The following KIRREL3 variants were observed in gnomAD, a reference collection of about 807,000 sequenced individuals.
KIRREL3 encodes the protein kirre like nephrin family adhesion molecule 3.
KIRREL3 carries 36 observed loss-of-function variants against 89.7 expected under a neutral mutation model. That is an observed-to-expected ratio of 0.40 (90% CI 0.31 to 0.53). KIRREL3 has a LOEUF of 0.53. Ranked by LOEUF, KIRREL3 falls within the 20% of genes least tolerant of loss-of-function variation. The pLI is 0.49. For missense variants in KIRREL3, 864 were observed against 1,056.6 expected, an observed-to-expected ratio of 0.82 and a Z score of 2.53; for synonymous variants, 445 against 441.4, an observed-to-expected ratio of 1.01 and a Z score of -0.10.
rs1442943533 is a variant in KIRREL3, at chr11:126,860,823, C to A, written c.55+139632G>T. Among the ~76,000 whole-genome samples the A allele has an allele frequency of 2.6e-5, 4 of 152,262 alleles. No homozygotes were observed. The East Asian group carries it at 5.8e-4, about 22-fold the overall frequency. On this transcript the variant is annotated intron_variant, in intron 1 of 16. Coordinates refer to ENST00000525144, the MANE Select transcript of KIRREL3 (RefSeq NM_032531.4). The surrounding 1 kb of genome is among the most constrained non-coding windows in gnomAD (Gnocchi z 4.6). ...GGGCAGAGGTACAAATGCAAGATGGCACCCGTGGACACATTGAAAGTTTAG... is the reference window on the plus strand; with the variant it reads ...GGGCAGAGGTACAAATGCAAGATGGAACCCGTGGACACATTGAAAGTTTAG...
rs1242370383 is a variant in KIRREL3 at position 126,992,852 on chromosome 11, TC to T, written c.55+7602del. 2.0e-5 allele frequency among the ~76,000 whole-genome samples: 3 copies of T among 152,326 alleles called. No individual in the cohort carries two copies. The East Asian group carries it at 5.8e-4, about 29-fold the overall frequency. ...TCATTCCTCAATGCACTCTTTCTGCTCAAGTCCAGCGTGCAGCCAGCAGTCC... is the reference window on the plus strand; with the variant it reads ...TCATTCCTCAATGCACTCTTTCTGCTAAGTCCAGCGTGCAGCCAGCAGTCC... On this transcript the variant is annotated intron_variant, in intron 1 of 16. Transcript: ENST00000525144.
chr11:126,463,000 C>A lies in KIRREL3; in HGVS notation c.742+157G>T, dbSNP rs1391395389. ...TTGCATCTCATGACAGTAAGGAAGA[C>A]AAGATGGTCCTTCCTGTCCGTATCT... On this transcript the variant is annotated intron_variant, in intron 6 of 16. Transcript: ENST00000525144. The surrounding 1 kb of genome is among the most constrained non-coding windows in gnomAD (Gnocchi z 4.8). Among the ~76,000 whole-genome samples the A allele has an allele frequency of 1.3e-5, 2 of 152,184 alleles. No homozygotes were observed. Among genetic ancestry groups the A allele is most frequent in the Admixed American group, 6.5e-5 (1 of 15,282 alleles).
chr11:126,657,237 CAAATAAATAATTAAATAAATAAAT>C (rs1265311225), intron 1 of KIRREL3, among the ~76,000 whole-genome samples: 4 of 81,486 alleles, frequency 4.9e-5, no homozygotes, highest in Admixed American at 1.4e-4. Flanking sequence ...ATGAGAATTC[CAAATAAATAATTAAATAAATAAAT>C]AAATAAATAA....
rs1946728100 is a variant in KIRREL3 at position 126,687,921 on chromosome 11, A to G, written c.56-125009T>C. Among the ~76,000 whole-genome samples, 2 of 152,264 alleles carry G rather than the reference A, an allele frequency of 1.3e-5. No homozygotes were observed. Among genetic ancestry groups the G allele is most frequent in the Admixed American group, 1.3e-4 (2 of 15,292 alleles). ...TAGGCCCGAAGCAGCAAAAGAAAGC[A>G]TCTAGAAAAAGGAAATAAAGGGCTG... On this transcript the variant is annotated intron_variant, in intron 1 of 16. Coordinates refer to ENST00000525144, the MANE Select transcript of KIRREL3 (RefSeq NM_032531.4). This position sits in a 1 kb window ranked among gnomAD's most constrained non-coding sequence, Gnocchi z 4.6.
rs75950655 is a variant in KIRREL3 at position 126,475,979 on chromosome 11, C to T, written c.434-2513G>A. Among the ~76,000 whole-genome samples, 1 of 152,168 alleles carries T rather than the reference C, an allele frequency of 6.6e-6. No individual in the cohort carries two copies. The highest frequency in any genetic ancestry group is 1.5e-5 in the Non-Finnish European group (1 of 68,020). ...GCCTGGAAAAAGAGCCACGTGGAGCCCTGGGGACAGCCTGGATACCTGGGG... is the reference window on the plus strand; with the variant it reads ...GCCTGGAAAAAGAGCCACGTGGAGCTCTGGGGACAGCCTGGATACCTGGGG... On this transcript the variant is annotated intron_variant, in intron 4 of 16. Coordinates refer to ENST00000525144, the MANE Select transcript of KIRREL3 (RefSeq NM_032531.4). This position sits in a 1 kb window ranked among gnomAD's most constrained non-coding sequence, Gnocchi z 7.5.
rs1220887866 is a variant in KIRREL3, at chr11:126,635,367, G to T, written c.56-72455C>A. ...CACATAGGTGAGTGATATATACAGAGGTTAGACCTCAGGGTTATGTTATGG... is the reference window on the plus strand; with the variant it reads ...CACATAGGTGAGTGATATATACAGATGTTAGACCTCAGGGTTATGTTATGG... On this transcript the variant is annotated intron_variant, in intron 1 of 16. Coordinates refer to ENST00000525144, the MANE Select transcript of KIRREL3 (RefSeq NM_032531.4). The surrounding 1 kb of genome is among the most constrained non-coding windows in gnomAD (Gnocchi z 4.0). Among the ~76,000 whole-genome samples the T allele has an allele frequency of 6.6e-6, 1 of 152,230 alleles. No individual in the cohort carries two copies. Among genetic ancestry groups the T allele is most frequent in the Non-Finnish European group, 1.5e-5 (1 of 68,048 alleles).
intron 1 of KIRREL3, among the ~76,000 whole-genome samples, chr11:126,714,660 G>T (rs953991638): frequency 1.3e-5 from 2 of 152,130 alleles, no homozygotes; most frequent in Non-Finnish European, 2.9e-5. Flanking sequence ...TTGCACGGTG[G>T]GCTGACTGCC....
intron 1 of KIRREL3, among the ~76,000 whole-genome samples, chr11:126,914,223 C>T (rs1946945176): frequency 6.6e-6 from 1 of 152,120 alleles, no homozygotes; most frequent in Non-Finnish European, 1.5e-5. Context: ...GGAGTAGGGC[C>T]ACAGCTGACC....
rs868215018 is a variant in KIRREL3 at position 126,739,558 on chromosome 11, C to T, written c.56-176646G>A. On this transcript the variant is annotated intron_variant, in intron 1 of 16. Coordinates refer to ENST00000525144, the MANE Select transcript of KIRREL3 (RefSeq NM_032531.4). This position sits in a 1 kb window ranked among gnomAD's most constrained non-coding sequence, Gnocchi z 5.5. Reference sequence around the variant, plus strand: ...CCAGGCAGCTGGTGCTGACAGTGGCCTGTTCATACTCTTCCTGAAGGTATG... The same window carrying T: ...CCAGGCAGCTGGTGCTGACAGTGGCTTGTTCATACTCTTCCTGAAGGTATG... Among the ~76,000 whole-genome samples, 5 of 152,182 alleles carry T rather than the reference C, an allele frequency of 3.3e-5. No individual in the cohort carries two copies.
At chr11:126,806,972 G>A (rs1951223978) in intron 1 of KIRREL3, among the ~76,000 whole-genome samples, 1 of 152,046 alleles carries the variant, frequency 6.6e-6, no homozygotes, top group Non-Finnish European at 1.5e-5. Flanking sequence ...TGAGAATGAT[G>A]GTTTCCAGTT....
At chr11:126,500,887 T>C (rs1307645564) in intron 4 of KIRREL3, among the ~76,000 whole-genome samples, 1 of 152,230 alleles carries the variant, frequency 6.6e-6, no homozygotes, top group Non-Finnish European at 1.5e-5. Context: ...GCTCTGACCA[T>C]GTGAGGAGTT....
chr11:126,873,769 A>G (rs552061174), intron 1 of KIRREL3, among the ~76,000 whole-genome samples: 1 of 152,316 alleles, frequency 6.6e-6, no homozygotes, highest in African/African-American at 2.4e-5. Flanking sequence ...GAGCAACAGT[A>G]TCCCTCACTT....
In KIRREL3 at chr11:126,752,126, A is replaced by G. The variant is rs1233926298; in HGVS notation, c.56-189214T>C. On this transcript the variant is annotated intron_variant, in intron 1 of 16. Transcript: ENST00000525144. The surrounding 1 kb of genome is among the most constrained non-coding windows in gnomAD (Gnocchi z 4.8). ...GCTTTTTCTTTGCAAAATAGGAACA[A>G]TGATGATACCTGTCCCTGAGTTATG... Among the ~76,000 whole-genome samples the G allele has an allele frequency of 1.3e-5, 2 of 152,334 alleles. No individual in the cohort carries two copies. The highest frequency in any genetic ancestry group is 1.9e-4 in the East Asian group (1 of 5,192).
At chr11:126,845,425 G>T (rs1384727164) in intron 1 of KIRREL3, among the ~76,000 whole-genome samples, 2 of 152,092 alleles carry the variant, frequency 1.3e-5, no homozygotes, top group African/African-American at 2.4e-5. Flanking sequence ...ATGAGAAAAA[G>T]AATTCGTGAG....
At chr11:126,554,989 T>G (rs749064338) in intron 2 of KIRREL3, among the ~76,000 whole-genome samples, 1 of 152,190 alleles carries the variant, frequency 6.6e-6, no homozygotes, top group Non-Finnish European at 1.5e-5. Flanking sequence ...ATTGCCTTCT[T>G]CCTGCACCAT....
rs773570799 is a variant in KIRREL3 at position 126,776,744 on chromosome 11, C to T, written c.56-213832G>A. Among the ~76,000 whole-genome samples the T allele has an allele frequency of 2.0e-5, 3 of 152,178 alleles. No individual in the cohort carries two copies. Among genetic ancestry groups the T allele is most frequent in the Non-Finnish European group, 2.9e-5 (2 of 68,032 alleles). Reference sequence around the variant, plus strand: ...TGCTTATGGAACACCAACACCACTTCTTCTTTCACCAAGTCCTCTCCCTGC... The same window carrying T: ...TGCTTATGGAACACCAACACCACTTTTTCTTTCACCAAGTCCTCTCCCTGC... On this transcript the variant is annotated intron_variant, in intron 1 of 16. Transcript: ENST00000525144. The surrounding 1 kb of genome is among the most constrained non-coding windows in gnomAD (Gnocchi z 4.7).
chr11:126,436,851 G>A lies in KIRREL3; in HGVS notation c.1512C>T (p.Ser504=). Residue 504 remains serine (S), a synonymous_variant, in exon 12 of 17, where the codon AGC becomes AGT. Transcript: ENST00000525144. ...GGATGATCTCAGTGTCGGAGCCGAA[G>A]CTGTTCCAGGCCGTGCAGTTGTAGA... ...QTIYNCTAWN[S]FGSDTEIIRL... is the part of the protein sequence containing the mutation. The A allele has an allele frequency of 6.2e-7, 1 of 1,613,742 alleles. No homozygotes were observed. The highest frequency in any genetic ancestry group is 8.5e-7 in the Non-Finnish European group (1 of 1,179,884).
rs1311587738 is a variant in KIRREL3, at chr11:126,645,191, G to A, written c.56-82279C>T. ...ATAGAGTGGGACCAGAAAGTGAAGG[G>A]ATGCAGACTGACATCGTAACAATTC... is the stretch of plus-strand genomic sequence containing the variant. On this transcript the variant is annotated intron_variant, in intron 1 of 16. Coordinates refer to ENST00000525144, the MANE Select transcript of KIRREL3 (RefSeq NM_032531.4). This position sits in a 1 kb window ranked among gnomAD's most constrained non-coding sequence, Gnocchi z 4.9. Among the ~76,000 whole-genome samples the A allele has an allele frequency of 3.3e-5, 5 of 152,174 alleles. No homozygotes were observed. Among genetic ancestry groups the A allele is most frequent in the Non-Finnish European group, 7.4e-5 (5 of 68,016 alleles).
intron 1 of KIRREL3, among the ~76,000 whole-genome samples, chr11:126,822,630 A>G (rs1943265850): frequency 1.3e-5 from 2 of 152,306 alleles, no homozygotes; most frequent in South Asian, 2.1e-4. Flanking sequence ...CTCATAATTC[A>G]TGGGTTAGAA....
Sources: allele counts gnomAD v4.1 joint callset (sites outside exome capture counted in the v4.1 genomes callset), GRCh38; gene constraint gnomAD v4.1.1; non-coding constraint Gnocchi (gnomAD v3.1); transcripts MANE v1.5; gene names NCBI Gene and HGNC (gene_info 2026-07-23, HGNC 2026-07-21).